HCN1: variants seen among roughly 807,000 people sequenced by gnomAD.
The protein encoded by HCN1 is hyperpolarization activated cyclic nucleotide gated potassium channel 1, also known as potassium/sodium hyperpolarization-activated cyclic nucleotide-gated channel 1.
A neutral mutation model predicts 78.9 loss-of-function variants in HCN1; 13 were observed. The ratio of observed to expected loss-of-function variants is 0.16; its 90% CI spans 0.11 to 0.26. The LOEUF (loss-of-function observed/expected upper bound fraction) is 0.26, where lower values mean the gene tolerates loss of function less well. Among genes scored for constraint, HCN1 ranks in the 10% least tolerant of loss-of-function variants. HCN1 has a pLI of 1.00. For missense variants in HCN1, 810 were observed against 1,154.3 expected (o/e 0.70, Z 4.32); for synonymous variants, 552 against 455.5 (o/e 1.21, Z -2.70).
chr5:45,610,376 G>A (rs973353925), intron 2 of HCN1, among the ~76,000 whole-genome samples: 5 of 151,610 alleles, frequency 3.3e-5, no homozygotes, highest in Non-Finnish European at 4.4e-5. Context: ...GTCTAAAATC[G>A]AAAAATAAAA....
At chr5:45,438,834 A>C (rs899962937) in intron 3 of HCN1, among the ~76,000 whole-genome samples, 3 of 152,154 alleles carry the variant, frequency 2.0e-5, no homozygotes, top group Non-Finnish European at 2.9e-5. Flanking sequence ...AAAGTAAAGG[A>C]ACAAGTAGAA....
At chr5:45,590,843 T>C (rs1744345994) in intron 2 of HCN1, among the ~76,000 whole-genome samples, 2 of 152,190 alleles carry the variant, frequency 1.3e-5, no homozygotes, top group South Asian at 2.1e-4. Flanking sequence ...GGTTTGTTTG[T>C]TTTTCACAGA....
intron 5 of HCN1, among the ~76,000 whole-genome samples, chr5:45,307,056 C>A (rs538611842): frequency 6.6e-6 from 1 of 151,942 alleles, no homozygotes. Flanking sequence ...AAGAACCCCA[C>A]AGTAATGAAG....
At position 45,259,006 on chromosome 5, in the gene HCN1, A is replaced by T. The variant is rs1213368689; in HGVS notation, c.*2915T>A. On this transcript the variant is annotated 3_prime_UTR_variant, in exon 8 of 8. Coordinates refer to ENST00000303230, the MANE Select transcript of HCN1 (RefSeq NM_021072.4). ...ACAACCACATTCTAAAAAGGCACAG[A>T]GCAAAAAAGAAAATAAGCTCATATT... is the stretch of plus-strand genomic sequence containing the variant. 6.6e-6 allele frequency: 1 copy of T among 152,010 alleles called. No homozygotes were observed. Among genetic ancestry groups the T allele is most frequent in the Non-Finnish European group, 1.5e-5 (1 of 67,926 alleles). The allele number at this position is 152,010 out of a possible 1,614,324, so 9.4% of individuals were successfully genotyped here. A position where few individuals can be genotyped will look rare whatever the true frequency, so the allele number is the denominator to read the frequency against.
chr5:45,691,892 G>T (rs1225035999), intron 1 of HCN1, among the ~76,000 whole-genome samples: 1 of 152,144 alleles, frequency 6.6e-6, no homozygotes, highest in Non-Finnish European at 1.5e-5. Context: ...TCTTCAGGAA[G>T]TAACTCCCAT....
At chr5:45,636,782 G>C (rs992497740) in intron 2 of HCN1, among the ~76,000 whole-genome samples, 7 of 152,088 alleles carry the variant, frequency 4.6e-5, no homozygotes, top group African/African-American at 1.7e-4. Flanking sequence ...CAAGGTTGCA[G>C]TGAGCTATAT....
At chr5:45,647,513 A>G (rs1478385650) in intron 1 of HCN1, among the ~76,000 whole-genome samples, 1 of 152,038 alleles carries the variant, frequency 6.6e-6, no homozygotes, top group Non-Finnish European at 1.5e-5. Flanking sequence ...TTCATCTTCT[A>G]TTCTACGCAT....
At chr5:45,372,534 CATTTACATATAAAAATATATA>C (rs1747424331) in intron 4 of HCN1, among the ~76,000 whole-genome samples, 1 of 118,714 alleles carries the variant, frequency 8.4e-6, no homozygotes, top group Non-Finnish European at 1.7e-5. Context: ...ATATATAAAA[CATTTACATATAAAAATATATA>C]AAACATTTAC....
chr5:45,647,650 C>T (rs895966271), intron 1 of HCN1, among the ~76,000 whole-genome samples: 7 of 152,074 alleles, frequency 4.6e-5, no homozygotes, highest in African/African-American at 7.2e-5. Flanking sequence ...ATCAGTAGCC[C>T]GTTAAATCTC....
intron 3 of HCN1, among the ~76,000 whole-genome samples, chr5:45,445,427 C>A (rs1740770034): frequency 1.3e-5 from 2 of 152,214 alleles, no homozygotes; most frequent in Admixed American, 6.5e-5. Context: ...GGAGGCCTGC[C>A]TGCCTCTGTA....
chr5:45,383,836 A>T (rs542067728), intron 4 of HCN1, among the ~76,000 whole-genome samples: 164 of 152,242 alleles, frequency 1.1e-3, no homozygotes, highest in African/African-American at 3.7e-3. Context: ...ATATTTTAAT[A>T]GTAAAATACA....
At chr5:45,614,651 C>CTT (rs2111984516) in intron 2 of HCN1, among the ~76,000 whole-genome samples, 1 of 152,184 alleles carries the variant, frequency 6.6e-6, no homozygotes, top group Admixed American at 6.6e-5. Context: ...GGCTTCTCCT[C>CTT]TTTTCTCTAA....
At chr5:45,461,212 T>C (rs550323041) in intron 3 of HCN1, among the ~76,000 whole-genome samples, 3 of 152,184 alleles carry the variant, frequency 2.0e-5, no homozygotes, top group South Asian at 2.1e-4. Flanking sequence ...TGTTGCATTA[T>C]ATAGATCAAA....
At chr5:45,690,783 G>A (rs1739895527) in intron 1 of HCN1, among the ~76,000 whole-genome samples, 2 of 151,978 alleles carry the variant, frequency 1.3e-5, no homozygotes, top group South Asian at 4.1e-4. Flanking sequence ...ATGATAAAAT[G>A]AAAATTTGTC....
At chr5:45,622,083 G>T (rs527985800) in intron 2 of HCN1, among the ~76,000 whole-genome samples, 2 of 151,982 alleles carry the variant, frequency 1.3e-5, no homozygotes, top group Non-Finnish European at 2.9e-5. Flanking sequence ...TTAGCCAGAC[G>T]TGGTGGCGGG....
At chr5:45,312,763 T>C (rs1157748308) in intron 5 of HCN1, among the ~76,000 whole-genome samples, 1 of 152,178 alleles carries the variant, frequency 6.6e-6, no homozygotes, top group Non-Finnish European at 1.5e-5. Flanking sequence ...AGAGCCTTGC[T>C]CATTGCTAGC....
At chr5:45,509,958 TC>T (rs1299367163) in intron 2 of HCN1, among the ~76,000 whole-genome samples, 3 of 152,068 alleles carry the variant, frequency 2.0e-5, no homozygotes, top group Non-Finnish European at 4.4e-5. Flanking sequence ...TAGAAGGAAT[TC>T]CCCAGATATT....
chr5:45,441,095 G>T (rs1204210279), intron 3 of HCN1, among the ~76,000 whole-genome samples: 1 of 152,074 alleles, frequency 6.6e-6, no homozygotes, highest in Non-Finnish European at 1.5e-5. Flanking sequence ...TTTGGGGATG[G>T]CATATAGGAA....
At chr5:45,375,911 T>C (rs1464391182) in intron 4 of HCN1, among the ~76,000 whole-genome samples, 1 of 123,236 alleles carries the variant, frequency 8.1e-6, no homozygotes, top group Non-Finnish European at 1.6e-5. Flanking sequence ...TAATATTTTA[T>C]CTTATATATT....
Sources: allele counts gnomAD v4.1 joint callset (sites outside exome capture counted in the v4.1 genomes callset), GRCh38; gene constraint gnomAD v4.1.1; transcripts MANE v1.5; gene names NCBI Gene and HGNC (gene_info 2026-07-23, HGNC 2026-07-21).